SPAG17: variants seen among roughly 807,000 people sequenced by gnomAD.
SPAG17 encodes the protein sperm-associated antigen 17.
Under a neutral mutation model 273.6 loss-of-function variants are expected in SPAG17, and 169 were observed. That is an observed-to-expected ratio of 0.62 (90% CI 0.55 to 0.70). The LOEUF (loss-of-function observed/expected upper bound fraction) is 0.70, where lower values mean the gene tolerates loss of function less well. Ranked by LOEUF, SPAG17 falls within the 30% of genes least tolerant of loss-of-function variation. SPAG17 has a pLI of 0.00. For missense variants in SPAG17, 2,557 were observed against 2,627.8 expected (o/e 0.97, Z 0.59); for synonymous variants, 825 against 873.2 (o/e 0.94, Z 0.97).
chr1:117,981,346 T>C lies in SPAG17; in HGVS notation c.5928A>G (p.Pro1976=). 3.1e-6 allele frequency: 5 copies of C among 1,601,946 alleles called. No homozygotes were observed. The highest frequency in any genetic ancestry group is 3.4e-6 in the Non-Finnish European group (4 of 1,177,336). ...EQKSSSVPSL[P]KPEISADKKD... is the part of the protein sequence containing the mutation. Reference sequence around the variant, plus strand: ...TCTTATCTGCAGAAATCTCTGGTTTTGGAAGACTAGGCACACTTGAGGATT... The same window carrying C: ...TCTTATCTGCAGAAATCTCTGGTTTCGGAAGACTAGGCACACTTGAGGATT... Residue 1976 remains proline (P), a synonymous_variant, in exon 43 of 49, where the codon CCA becomes CCG. Coordinates refer to ENST00000336338, the MANE Select transcript of SPAG17 (RefSeq NM_206996.4).
At position 117,966,637 on chromosome 1, in the gene SPAG17, A is replaced by T. The variant is rs761198529; in HGVS notation, c.6504T>A (p.His2168Gln). Residue 2168 changes from histidine (H) to glutamine (Q), a missense_variant, in exon 47 of 49, where the codon CAT (histidine) becomes CAA (glutamine). Physicochemically the swap from His to Gln is conservative, Grantham distance 24. Transcript: ENST00000336338. ...ISHNIEIMTEHEVLFLPVEAT... is the reference protein window; with the variant it reads ...ISHNIEIMTEQEVLFLPVEAT... ...CTTCCACAGGTAGGAACAGAACCTC[A>T]TGCTCTGTCATAATCTCGATATTGT... The T allele has an allele frequency of 9.3e-6, 15 of 1,613,322 alleles. No homozygotes were observed. Among genetic ancestry groups the T allele is most frequent in the South Asian group, 5.5e-5 (5 of 90,894 alleles).
intron 3 of SPAG17, among the ~76,000 whole-genome samples, chr1:118,120,293 C>A (rs567084148): frequency 2.9e-4 from 40 of 138,364 alleles, no homozygotes; most frequent in Middle Eastern, 3.7e-3. Context: ...TAAAAAAAAA[C>A]AAATTTTTAA....
chr1:118,101,769 C>A lies in SPAG17; in HGVS notation c.605G>T (p.Gly202Val), dbSNP rs1387106354. The A allele has an allele frequency of 1.2e-6, 2 of 1,613,808 alleles. No individual in the cohort carries two copies. The highest frequency in any genetic ancestry group is 8.5e-7 in the Non-Finnish European group (1 of 1,179,928). The change falls in exon 5 of 49, where the codon GGA (glycine) becomes GTA (valine). Residue 202 changes from glycine (G) to valine (V), a missense_variant. Transcript: ENST00000336338. The part of the protein sequence containing the change: ...VKKTTQLKRR[G>V]EDDHTNRYID... ...GTAACGATTGGTGTGGTCGTCTTCT[C>A]CTCTCCGCTTTAACTGGGTGGTCTT...
intron 13 of SPAG17, among the ~76,000 whole-genome samples, chr1:118,083,551 C>T (rs979905377): frequency 3.9e-5 from 6 of 152,004 alleles, no homozygotes; most frequent in African/African-American, 1.4e-4. Flanking sequence ...CTTTGGGAAA[C>T]CGAGGTGGGT....
At chr1:118,077,307 G>A (rs1414130019) in intron 15 of SPAG17, among the ~76,000 whole-genome samples, 1 of 152,058 alleles carries the variant, frequency 6.6e-6, no homozygotes, top group East Asian at 1.9e-4. Flanking sequence ...ATGGCTCCTG[G>A]AAGTAGGTCA....
At chr1:118,180,302 C>A (rs763759419) in intron 1 of SPAG17, among the ~76,000 whole-genome samples, 11 of 151,872 alleles carry the variant, frequency 7.2e-5, no homozygotes, top group Non-Finnish European at 1.5e-4. Flanking sequence ...TTTATAGCAA[C>A]AAGGATGGAA....
intron 31 of SPAG17, 77 bp downstream of exon 31, chr1:118,007,967 A>C (rs898215360): frequency 9.0e-6 from 14 of 1,555,324 alleles, no homozygotes; most frequent in Non-Finnish European, 1.2e-5. Flanking sequence ...AGGCATTTTT[A>C]CTGCCCCAGA....
chr1:118,116,062 TAGGAACATACAGCTGTATTGTCCAG>T (rs1657061984), intron 3 of SPAG17, among the ~76,000 whole-genome samples: 1 of 152,188 alleles, frequency 6.6e-6, no homozygotes, highest in African/African-American at 2.4e-5. Flanking sequence ...CGACAGCCAC[TAGGAACATACAGCTGTATTGTCCAG>T]ATGTGTGGCA....
At chr1:117,994,593 C>T (rs1657457537) in intron 34 of SPAG17, 63 bp from the exon 35 acceptor site, 17 of 1,520,840 alleles carry the variant, frequency 1.1e-5, no homozygotes, top group Non-Finnish European at 1.4e-5. Flanking sequence ...AAAATGAAAA[C>T]GCATTGACTA....
At chr1:118,053,123 C>T (rs2101988298) in intron 20 of SPAG17, among the ~76,000 whole-genome samples, 1 of 152,002 alleles carries the variant, frequency 6.6e-6, no homozygotes, top group South Asian at 2.1e-4. Flanking sequence ...AAATCAATCT[C>T]TATAATTCAA....
At chr1:117,995,248 T>C (rs1657525367) in intron 34 of SPAG17, among the ~76,000 whole-genome samples, 1 of 152,258 alleles carries the variant, frequency 6.6e-6, no homozygotes, top group East Asian at 1.9e-4. Context: ...GTTTCTTCTG[T>C]TAGATTCTCT....
At chr1:118,047,890 G>A (rs138023858) in intron 20 of SPAG17, among the ~76,000 whole-genome samples, 75 of 152,260 alleles carry the variant, frequency 4.9e-4, no homozygotes, top group African/African-American at 1.5e-3. Context: ...AGACCAGCCC[G>A]AGGCCTCATG....
At chr1:118,028,203 A>T in intron 26 of SPAG17, 71 bp downstream of exon 26, 3 of 1,527,534 alleles carry the variant, frequency 2.0e-6, no homozygotes, top group Non-Finnish European at 2.7e-6. Flanking sequence ...TGGCATGAAA[A>T]TACACAATTT....
intron 3 of SPAG17, among the ~76,000 whole-genome samples, chr1:118,136,571 A>T (rs1658368534): frequency 6.6e-6 from 1 of 152,188 alleles, no homozygotes; most frequent in Non-Finnish European, 1.5e-5. Context: ...CAGAACTTCC[A>T]GCACCTCTTA....
intron 32 of SPAG17, among the ~76,000 whole-genome samples, chr1:118,001,208 T>A (rs1310533833): frequency 6.6e-6 from 1 of 152,088 alleles, no homozygotes; most frequent in Non-Finnish European, 1.5e-5. Context: ...TGATGTGCGG[T>A]TGGATTCAGT....
chr1:118,061,567 T>C (rs1189083912), intron 18 of SPAG17, among the ~76,000 whole-genome samples: 2 of 152,186 alleles, frequency 1.3e-5, no homozygotes, highest in Non-Finnish European at 2.9e-5. Context: ...TCAACTATCA[T>C]TAATAATATG....
intron 1 of SPAG17, among the ~76,000 whole-genome samples, chr1:118,162,131 C>G (rs1408409543): frequency 6.6e-6 from 1 of 152,164 alleles, no homozygotes; most frequent in Admixed American, 6.5e-5. Context: ...AGCCCTAGAT[C>G]TGGTTATGGT....
chr1:118,033,598 G>T (rs1347829029), intron 24 of SPAG17, among the ~76,000 whole-genome samples: 1 of 152,080 alleles, frequency 6.6e-6, no homozygotes, highest in Non-Finnish European at 1.5e-5. Flanking sequence ...CTAAAATTAT[G>T]CTCCTAAAGT....
At chr1:117,978,102 G>C (rs890181684) in intron 43 of SPAG17, among the ~76,000 whole-genome samples, 5 of 152,052 alleles carry the variant, frequency 3.3e-5, no homozygotes, top group African/African-American at 1.2e-4. Flanking sequence ...TTATTATTCT[G>C]TCATATCCAG....
Sources: gnomAD v4.1 joint callset for allele counts (sites outside exome capture counted in the v4.1 genomes callset) on GRCh38, gnomAD v4.1.1 for gene constraint, MANE v1.5 for transcripts, NCBI Gene and HGNC (gene_info 2026-07-23, HGNC 2026-07-21) for gene names.